ENAH: variants seen among roughly 807,000 people sequenced by gnomAD.
The protein encoded by ENAH is ENAH actin regulator, also known as protein enabled homolog.
ENAH carries 23 observed loss-of-function variants against 78.7 expected under a neutral mutation model. The observed-to-expected ratio is 0.29, with a 90% confidence interval of 0.21 to 0.41. The LOEUF is 0.41. ENAH is among the 10% of genes least tolerant of loss of function. The pLI, the probability that ENAH is intolerant of heterozygous loss-of-function variation, is 1.00. For missense variants in ENAH, 544 were observed against 691.0 expected (o/e 0.79, Z 2.39); for synonymous variants, 226 against 241.0 (o/e 0.94, Z 0.58).
At chr1:225,651,728 G>C (rs764160683) in intron 1 of ENAH, among the ~76,000 whole-genome samples, 1 of 152,080 alleles carries the variant, frequency 6.6e-6, no homozygotes, top group Non-Finnish European at 1.5e-5. Flanking sequence ...CATTTCACAC[G>C]AAGTCTTGCA....
chr1:225,513,037 A>G, intron 7 of ENAH, 21 bp from the exon 8 acceptor site: 1 of 1,585,166 alleles, frequency 6.3e-7, no homozygotes, highest in Non-Finnish European at 8.6e-7. Flanking sequence ...ATATACAGAC[A>G]TAATCAACTC....
At chr1:225,543,680 A>C (rs1471080254) in intron 3 of ENAH, among the ~76,000 whole-genome samples, 2 of 152,188 alleles carry the variant, frequency 1.3e-5, no homozygotes, top group Admixed American at 1.3e-4. Flanking sequence ...TGTTTCTCTC[A>C]TCTCATGTAA....
chr1:225,631,286 T>C (rs1447535044), intron 1 of ENAH, among the ~76,000 whole-genome samples: 1 of 152,004 alleles, frequency 6.6e-6, no homozygotes, highest in East Asian at 1.9e-4. Context: ...AAAACAAATC[T>C]GTACAAAGGC....
chr1:225,620,486 G>A (rs1433280511), intron 1 of ENAH, among the ~76,000 whole-genome samples: 3 of 152,006 alleles, frequency 2.0e-5, no homozygotes, highest in East Asian at 3.9e-4. Context: ...AGCCAAGATC[G>A]GCCACTGCAC....
At position 225,487,655 on chromosome 1, in the gene ENAH, C is replaced by T. The variant is rs765147511; in HGVS notation, c.*10120G>A. On this transcript the variant is annotated 3_prime_UTR_variant, in exon 14 of 14. Coordinates refer to ENST00000366843, the MANE Select transcript of ENAH (RefSeq NM_018212.6). ...ACTTTTAAAACATGACTTCAGTATA[C>T]GCAACCTTAGGCTCACTTCCAGATT... 4.6e-5 allele frequency: 7 copies of T among 152,176 alleles called. No homozygotes were observed. The highest frequency in any genetic ancestry group is 7.3e-5 in the Non-Finnish European group (5 of 68,042). The allele number at this position is 152,176 out of a possible 1,614,324, so 9.4% of individuals were successfully genotyped here.
At chr1:225,635,115 A>G (rs1659822659) in intron 1 of ENAH, among the ~76,000 whole-genome samples, 1 of 152,190 alleles carries the variant, frequency 6.6e-6, no homozygotes, top group African/African-American at 2.4e-5. Flanking sequence ...TTCTTTCAAC[A>G]ATATTTTATA....
intron 1 of ENAH, among the ~76,000 whole-genome samples, chr1:225,597,171 T>C (rs754880809): frequency 6.6e-6 from 1 of 152,196 alleles, no homozygotes; most frequent in African/African-American, 2.4e-5. Context: ...CCAAGTATTC[T>C]ACCCATAGGA....
At position 225,547,840 on chromosome 1, in the gene ENAH, C is replaced by T. The variant is rs184709567; in HGVS notation, c.349+7066G>A. ...CTACAGTATGTCCAACTTTCAAAAT[C>T]CAGACCTGAAAGTCAGCTTGTCACT... On this transcript the variant is annotated intron_variant, in intron 3 of 13. Coordinates refer to ENST00000366843, the MANE Select transcript of ENAH (RefSeq NM_018212.6). 3.0e-3 allele frequency among the ~76,000 whole-genome samples: 456 copies of T among 152,254 alleles called. 1 individual carries two copies. The highest frequency in any genetic ancestry group is 2.3e-3 in the Non-Finnish European group (157 of 68,012).
At chr1:225,587,295 CA>C (rs932866933) in intron 1 of ENAH, among the ~76,000 whole-genome samples, 2 of 152,102 alleles carry the variant, frequency 1.3e-5, no homozygotes, top group Non-Finnish European at 2.9e-5. Flanking sequence ...AAGGAATCTA[CA>C]AAGCAGCAAA....
intron 11 of ENAH, among the ~76,000 whole-genome samples, chr1:225,504,651 T>A (rs894101933): frequency 5.3e-5 from 8 of 152,182 alleles, no homozygotes; most frequent in Non-Finnish European, 1.2e-4. Context: ...TTAGTCCATG[T>A]TCCAGTAACA....
chr1:225,505,712 A>C (rs889986839), intron 11 of ENAH, among the ~76,000 whole-genome samples: 3 of 152,232 alleles, frequency 2.0e-5, no homozygotes, highest in African/African-American at 7.2e-5. Flanking sequence ...AACATATTTT[A>C]AAAATCCTTT....
intron 1 of ENAH, among the ~76,000 whole-genome samples, chr1:225,641,834 A>C (rs2148452400): frequency 6.6e-6 from 1 of 152,280 alleles, no homozygotes; most frequent in East Asian, 1.9e-4. Context: ...CAGCCCGGCC[A>C]ACATGGTGAA....
rs1657669748 is a variant in ENAH, at chr1:225,624,944, C to A, written c.5+27742G>T. Among the ~76,000 whole-genome samples the A allele has an allele frequency of 2.6e-5, 4 of 152,162 alleles. No individual in the cohort carries two copies. The South Asian group carries it at 8.3e-4, about 31-fold the overall frequency. ...AGCTAAGGACTATGTGCTCACCTAA[C>A]CTGGTGGGATGTGAAACAGCTGACC... On this transcript the variant is annotated intron_variant, in intron 1 of 13. Coordinates refer to ENST00000366843, the MANE Select transcript of ENAH (RefSeq NM_018212.6).
chr1:225,592,708 T>A (rs1176583082), intron 1 of ENAH, among the ~76,000 whole-genome samples: 2 of 152,222 alleles, frequency 1.3e-5, no homozygotes, highest in Non-Finnish European at 2.9e-5. Context: ...CTTCTTATGC[T>A]TAAATATAAC....
chr1:225,548,565 G>A (rs528203500), intron 3 of ENAH, among the ~76,000 whole-genome samples: 144 of 152,306 alleles, frequency 9.5e-4, no homozygotes, highest in Middle Eastern at 3.4e-3. Context: ...CCAGACAAAC[G>A]CAGTAAAAAT....
chr1:225,553,746 C>T (rs2096652984), intron 3 of ENAH, among the ~76,000 whole-genome samples: 1 of 152,146 alleles, frequency 6.6e-6, no homozygotes, highest in Admixed American at 6.5e-5. Flanking sequence ...CTTTCCTATG[C>T]TATTTTCTGG....
intron 1 of ENAH, among the ~76,000 whole-genome samples, chr1:225,629,716 TA>T (rs200809341): frequency 0.011 from 1,737 of 152,340 alleles, 27 homozygotes; most frequent in African/African-American, 0.039. Context: ...AACTCATCCC[TA>T]TTCATCAATT....
intron 1 of ENAH, among the ~76,000 whole-genome samples, chr1:225,577,666 C>T (rs2096794811): frequency 6.6e-6 from 1 of 152,158 alleles, no homozygotes; most frequent in Non-Finnish European, 1.5e-5. Context: ...ATAACTGATC[C>T]AGATTCACCA....
At chr1:225,597,285 T>C (rs1381537092) in intron 1 of ENAH, among the ~76,000 whole-genome samples, 2 of 152,106 alleles carry the variant, frequency 1.3e-5, no homozygotes, top group Admixed American at 1.3e-4. Context: ...AAATATAACC[T>C]AAAGTGGGAG....
Sources: gnomAD v4.1 joint callset for allele counts (sites outside exome capture counted in the v4.1 genomes callset) on GRCh38, gnomAD v4.1.1 for gene constraint, MANE v1.5 for transcripts, NCBI Gene and HGNC (gene_info 2026-07-23, HGNC 2026-07-21) for gene names.